Variants in GATAD1 observed in about 807,000 individuals in gnomAD.
GATAD1 encodes the protein GATA zinc finger domain-containing protein 1.
Under a neutral mutation model 26.5 loss-of-function variants are expected in GATAD1, and 12 were observed. That is an observed-to-expected ratio of 0.45 (90% CI 0.29 to 0.73). The LOEUF (loss-of-function observed/expected upper bound fraction) is 0.73, where lower values mean the gene tolerates loss of function less well. GATAD1 is among the 30% of genes least tolerant of loss of function. The pLI, the probability that GATAD1 is intolerant of heterozygous loss-of-function variation, is 0.10. For missense variants in GATAD1, 266 were observed against 342.1 expected (o/e 0.78, Z 1.75); for synonymous variants, 129 against 133.1 (o/e 0.97, Z 0.21).
At chr7:92,474,255 G>A in the GATAD1 span, among the ~76,000 whole-genome samples, 3 of 151,980 alleles carry the variant, frequency 2.0e-5, no homozygotes, top group Non-Finnish European at 2.9e-5. Flanking sequence ...CCGGGCCTAC[G>A]GCAGACTTTT....
chr7:92,480,320 G>A, the GATAD1 span, among the ~76,000 whole-genome samples: 16 of 152,194 alleles, frequency 1.1e-4, 1 homozygote, highest in Non-Finnish European at 2.9e-5. Flanking sequence ...AGACCAAGAG[G>A]TATTTTAGTT....
In GATAD1 at chr7:92,447,915, G is replaced by C; in HGVS notation, c.186G>C (p.Ala62=). ...GCAGCGGCGGCGGCGGCTTCGGCGC[G>C]GCGACCTTCGCCAGCACCTCCGCCA... ...TGGSGGGGFG[A]ATFASTSATP... The change falls in exon 1 of 5, where the codon GCG becomes GCC. Residue 62 remains alanine, a synonymous_variant. Coordinates refer to ENST00000287957, the MANE Select transcript of GATAD1 (RefSeq NM_021167.5). The C allele has an allele frequency of 8.0e-7, 1 of 1,251,832 alleles. No individual in the cohort carries two copies. The highest frequency in any genetic ancestry group is 1.0e-6 in the Non-Finnish European group (1 of 1,000,452). The allele number at this position is 1,251,832 out of a possible 1,614,324, so 77.5% of individuals were successfully genotyped here. A position where few individuals can be genotyped will look rare whatever the true frequency, so the allele number is the denominator to read the frequency against.
the GATAD1 span, chr7:92,493,139 GA>G: frequency 1.3e-6 from 2 of 1,487,498 alleles, no homozygotes; most frequent in Non-Finnish European, 9.3e-7. Context: ...CCTGAAAGGA[GA>G]AAAATTTATT....
In GATAD1 at chr7:92,456,878, T is replaced by C; in HGVS notation, c.*316T>C. The C allele has an allele frequency of 4.6e-6, 1 of 215,214 alleles. No individual in the cohort carries two copies. Among genetic ancestry groups the C allele is most frequent in the Non-Finnish European group, 9.1e-6 (1 of 110,114 alleles). The allele number at this position is 215,214 out of a possible 1,614,324, so 13.3% of individuals were successfully genotyped here. A position where few individuals can be genotyped will look rare whatever the true frequency, so the allele number is the denominator to read the frequency against. ...AGGGCCAGGCACAGTGGCTTATGCCTGTAATTGCAGCACTTTTAGAGGCCG... is the reference window on the plus strand; with the variant it reads ...AGGGCCAGGCACAGTGGCTTATGCCCGTAATTGCAGCACTTTTAGAGGCCG... On this transcript the variant is annotated 3_prime_UTR_variant, in exon 5 of 5. Coordinates refer to ENST00000287957, the MANE Select transcript of GATAD1 (RefSeq NM_021167.5).
chr7:92,489,347 A>C, the GATAD1 span: 1 of 1,612,948 alleles, frequency 6.2e-7, no homozygotes, highest in South Asian at 1.1e-5. Flanking sequence ...TGTGTGACCA[A>C]GTGCAGTCAT....
At chr7:92,449,083 G>T (rs75801043) in intron 2 of GATAD1, 4 of 1,082,768 alleles carry the variant, frequency 3.7e-6, no homozygotes, top group Admixed American at 3.5e-5. Flanking sequence ...TTTCCTTTTT[G>T]TTTTTTAGCT....
At chr7:92,448,537 T>C (rs1724956722) in intron 1 of GATAD1, among the ~76,000 whole-genome samples, 1 of 152,214 alleles carries the variant, frequency 6.6e-6, no homozygotes. Context: ...TGGAGACGCC[T>C]GTCCAGCGAG....
At chr7:92,491,965 C>T in the GATAD1 span, among the ~76,000 whole-genome samples, 4 of 152,286 alleles carry the variant, frequency 2.6e-5, no homozygotes, top group African/African-American at 7.2e-5. Flanking sequence ...ACTGTAGGTT[C>T]TGTAGACATT....
the GATAD1 span, chr7:92,474,634 A>T: frequency 6.6e-6 from 1 of 152,158 alleles, no homozygotes; most frequent in Admixed American, 6.5e-5. Context: ...GAGATACCAG[A>T]GATCGCCAAA....
At chr7:92,449,611 A>C in intron 2 of GATAD1, 1 of 981,160 alleles carries the variant, frequency 1.0e-6, no homozygotes, top group East Asian at 1.1e-4. Flanking sequence ...GAAGTTGGCC[A>C]TATTTATTTC....
intron 2 of GATAD1, chr7:92,449,227 A>C: frequency 1.1e-6 from 1 of 892,166 alleles, no homozygotes; most frequent in African/African-American, 1.8e-5. Context: ...CACTAAGAAA[A>C]CTTTTTTTTT....
chr7:92,476,596 A>ACT, the GATAD1 span, among the ~76,000 whole-genome samples: 3 of 138,078 alleles, frequency 2.2e-5, no homozygotes, highest in East Asian at 2.1e-4. Flanking sequence ...TCTCTCTTTG[A>ACT]CTCTCTCTCT....
In GATAD1 at chr7:92,456,454, A is replaced by G. The variant is rs547080742; in HGVS notation, c.702A>G (p.Ser234=). 1.7e-5 allele frequency: 27 copies of G among 1,612,434 alleles called. No homozygotes were observed. The highest frequency in any genetic ancestry group is 2.2e-5 in the East Asian group (1 of 44,870). The change falls in exon 5 of 5, where the codon TCA becomes TCG. Residue 234 remains serine, a synonymous_variant. Coordinates refer to ENST00000287957, the MANE Select transcript of GATAD1 (RefSeq NM_021167.5). The part of the protein sequence containing the change: ...HAPSEYFKSR[S]SPFPTVPTRP... ...CTTCTGAGTATTTCAAGTCACGGTC[A>G]TCACCATTTCCCACAGTTCCCACCA...
chr7:92,468,612 G>A, the GATAD1 span: 1 of 558,174 alleles, frequency 1.8e-6, no homozygotes, highest in Admixed American at 3.3e-5. Context: ...GAGCTAAGTT[G>A]CAAGCCCCGT....
chr7:92,447,843 C>A lies in GATAD1; in HGVS notation c.114C>A (p.Gly38=). Residue 38 remains glycine, a synonymous_variant, in exon 1 of 5, where the codon GGC becomes GGA. Coordinates refer to ENST00000287957, the MANE Select transcript of GATAD1 (RefSeq NM_021167.5). ...ILCHHCTGRG[G]AGSGGAGSGA... ...GCCATCATTGCACTGGCCGGGGCGG[C>A]GCGGGCAGCGGGGGCGCAGGCTCGG... The A allele has an allele frequency of 1.4e-6, 2 of 1,393,794 alleles. No individual in the cohort carries two copies. Among genetic ancestry groups the A allele is most frequent in the Non-Finnish European group, 1.9e-6 (2 of 1,068,552 alleles). The allele number at this position is 1,393,794 out of a possible 1,614,324, so 86.3% of individuals were successfully genotyped here. A position where few individuals can be genotyped will look rare whatever the true frequency, so the allele number is the denominator to read the frequency against.
rs1167149773 is a variant in GATAD1, at chr7:92,449,456, T to C, written c.375+579T>C. ...GGAAGTAGTTGAAAGCATATTTTTA[T>C]TGCAATTAAATTCTCAGTTTTTATA... is the stretch of plus-strand genomic sequence containing the variant. On this transcript the variant is annotated intron_variant, in intron 2 of 4. Coordinates refer to ENST00000287957, the MANE Select transcript of GATAD1 (RefSeq NM_021167.5). 7 of 972,404 alleles carry C rather than the reference T, an allele frequency of 7.2e-6. No individual in the cohort carries two copies. The African/African-American group carries it at 1.1e-4, about 15-fold the overall frequency. The allele number at this position is 972,404 out of a possible 1,614,324, so 60.2% of individuals were successfully genotyped here. A position where few individuals can be genotyped will look rare whatever the true frequency, so the allele number is the denominator to read the frequency against.
chr7:92,451,239 A>G (rs1366041976), intron 3 of GATAD1, among the ~76,000 whole-genome samples: 2 of 152,026 alleles, frequency 1.3e-5, no homozygotes, highest in African/African-American at 4.8e-5. Context: ...CCTACTAGAA[A>G]TTCATAGTGA....
At chr7:92,449,569 G>A in intron 2 of GATAD1, 1 of 976,604 alleles carries the variant, frequency 1.0e-6, no homozygotes, top group Non-Finnish European at 1.2e-6. Context: ...TTTCAGAACA[G>A]GAATGTTTCA....
At chr7:92,489,337 T>C in the GATAD1 span, 5 of 1,613,278 alleles carry the variant, frequency 3.1e-6, no homozygotes, top group Non-Finnish European at 4.2e-6. Context: ...TGGATGGTCT[T>C]GTGTGACCAA....
Sources: gnomAD v4.1 joint callset for allele counts (sites outside exome capture counted in the v4.1 genomes callset) on GRCh38, gnomAD v4.1.1 for gene constraint, MANE v1.5 for transcripts, NCBI Gene and HGNC (gene_info 2026-07-23, HGNC 2026-07-21) for gene names.